The following NHSL1 variants were observed in gnomAD, a reference collection of about 807,000 sequenced individuals.
NHSL1 encodes the protein NHS-like protein 1.
NHSL1 carries 48 observed loss-of-function variants against 95.0 expected under a neutral mutation model. The observed-to-expected ratio is 0.51, with a 90% CI of 0.40 to 0.64. The LOEUF is 0.64. Among genes scored for constraint, NHSL1 ranks in the 30% least tolerant of loss-of-function variants. The probability of loss-of-function intolerance (pLI) is 0.00; values close to 1 mark genes in which losing one functional copy is unlikely to be tolerated. For synonymous variants in NHSL1, 783 were observed against 833.9 expected, an observed-to-expected ratio of 0.94 and a Z score of 1.05; for missense variants, 1,971 against 2,077.7, an observed-to-expected ratio of 0.95 and a Z score of 1.00.
chr6:138,519,960 T>C (rs1781607866), intron 1 of NHSL1, among the ~76,000 whole-genome samples: 1 of 152,248 alleles, frequency 6.6e-6, no homozygotes, highest in South Asian at 2.1e-4. Context: ...TTTCACGTTT[T>C]ATACTTTCCC....
chr6:138,496,598 TAG>T (rs1176569870), intron 1 of NHSL1, among the ~76,000 whole-genome samples: 1 of 152,190 alleles, frequency 6.6e-6, no homozygotes, highest in Non-Finnish European at 1.5e-5. Context: ...AATGTTTTCA[TAG>T]AATCATTTGC....
intron 1 of NHSL1, among the ~76,000 whole-genome samples, chr6:138,631,194 C>T (rs899051452): frequency 6.6e-5 from 10 of 152,206 alleles, no homozygotes; most frequent in Non-Finnish European, 1.3e-4. Context: ...GGGGAATCAC[C>T]GATTCCAGCG....
At chr6:138,523,083 G>C (rs1282459109) in intron 1 of NHSL1, among the ~76,000 whole-genome samples, 2 of 147,630 alleles carry the variant, frequency 1.4e-5, no homozygotes, top group Non-Finnish European at 3.0e-5. Flanking sequence ...TCAACTAACT[G>C]GCTTGGTGCA....
chr6:138,525,543 A>ATAAC (rs1781866728), intron 1 of NHSL1, among the ~76,000 whole-genome samples: 1 of 127,066 alleles, frequency 7.9e-6, no homozygotes, highest in South Asian at 2.3e-4. Flanking sequence ...AAATAAATAA[A>ATAAC]TAAATAAATA....
At chr6:138,532,149 C>G (rs1782161644) in intron 1 of NHSL1, among the ~76,000 whole-genome samples, 1 of 152,180 alleles carries the variant, frequency 6.6e-6, no homozygotes, top group Non-Finnish European at 1.5e-5. Context: ...CAGATATTCC[C>G]TCAAGGCAGA....
intron 1 of NHSL1, among the ~76,000 whole-genome samples, chr6:138,617,646 G>A (rs1002874630): frequency 6.6e-6 from 1 of 152,224 alleles, no homozygotes; most frequent in Non-Finnish European, 1.5e-5. Context: ...AGAACAATGC[G>A]CACGCAGACA....
At chr6:138,456,216 G>A (rs1343559959) in intron 3 of NHSL1, among the ~76,000 whole-genome samples, 1 of 152,100 alleles carries the variant, frequency 6.6e-6, no homozygotes, top group East Asian at 1.9e-4. Context: ...CGGAACATGT[G>A]GTTTTTATCT....
chr6:138,667,463 T>C (rs1785309606), intron 1 of NHSL1, among the ~76,000 whole-genome samples: 1 of 152,328 alleles, frequency 6.6e-6, no homozygotes, highest in East Asian at 1.9e-4. Flanking sequence ...TGTTAAGCTG[T>C]ATATAAAAAA....
chr6:138,519,340 G>C (rs1781582142), intron 1 of NHSL1, among the ~76,000 whole-genome samples: 1 of 152,032 alleles, frequency 6.6e-6, no homozygotes, highest in Non-Finnish European at 1.5e-5. Flanking sequence ...TTAAAAAAAT[G>C]TGTTATCAAA....
At chr6:138,505,431 G>A (rs1286528548) in intron 1 of NHSL1, among the ~76,000 whole-genome samples, 4 of 152,008 alleles carry the variant, frequency 2.6e-5, no homozygotes, top group South Asian at 4.1e-4. Context: ...CAAGATAGGC[G>A]GATCACGAGG....
chr6:138,468,608 C>G (rs920643395), intron 3 of NHSL1, among the ~76,000 whole-genome samples: 40 of 152,292 alleles, frequency 2.6e-4, no homozygotes, highest in African/African-American at 9.1e-4. Context: ...TGACATGGAA[C>G]AGTTTCATCC....
At chr6:138,474,876 C>CGGT (rs987807125) in intron 2 of NHSL1, among the ~76,000 whole-genome samples, 11 of 152,216 alleles carry the variant, frequency 7.2e-5, no homozygotes, top group African/African-American at 2.2e-4. Flanking sequence ...AGGCTGGGCG[C>CGGT]GGTGGCTCAT....
chr6:138,658,272 G>A (rs1785183638), intron 1 of NHSL1, among the ~76,000 whole-genome samples: 1 of 152,128 alleles, frequency 6.6e-6, no homozygotes, highest in Non-Finnish European at 1.5e-5. Flanking sequence ...TAGTTACCAG[G>A]CTATATGTTA....
intron 1 of NHSL1, among the ~76,000 whole-genome samples, chr6:138,644,905 A>G (rs896285852): frequency 3.9e-5 from 6 of 152,148 alleles, no homozygotes; most frequent in Non-Finnish European, 8.8e-5. Flanking sequence ...ACATACTTCA[A>G]CTCCTTTATC....
intron 1 of NHSL1, among the ~76,000 whole-genome samples, chr6:138,610,040 C>T (rs1376907462): frequency 2.0e-5 from 3 of 152,100 alleles, no homozygotes; most frequent in African/African-American, 7.2e-5. Context: ...TCTCACTTTT[C>T]TTCCCCATAA....
At chr6:138,439,764 C>A (rs1244409709) in intron 5 of NHSL1, among the ~76,000 whole-genome samples, 1 of 151,732 alleles carries the variant, frequency 6.6e-6, no homozygotes. Context: ...TCGTGTCTGG[C>A]AACAGTCACA....
At chr6:138,566,501 A>C (rs1252980456) in intron 1 of NHSL1, among the ~76,000 whole-genome samples, 2 of 152,104 alleles carry the variant, frequency 1.3e-5, no homozygotes, top group African/African-American at 4.8e-5. Flanking sequence ...ATTTTAATGG[A>C]AAAGAACATA....
chr6:138,668,626 C>CTTTT (rs1231203513), intron 1 of NHSL1, among the ~76,000 whole-genome samples: 4 of 130,412 alleles, frequency 3.1e-5, no homozygotes, highest in African/African-American at 1.1e-4. Context: ...ATTTTTTTTT[C>CTTTT]TTTTTTTTTT....
chr6:138,435,724 GT>G (rs1347155087), intron 5 of NHSL1, among the ~76,000 whole-genome samples: 5 of 145,576 alleles, frequency 3.4e-5, no homozygotes, highest in Non-Finnish European at 6.0e-5. Context: ...TTTTTTTTTT[GT>G]TTTTTTGTTT....
Sources: allele counts gnomAD v4.1 joint callset (sites outside exome capture counted in the v4.1 genomes callset), GRCh38; gene constraint gnomAD v4.1.1; transcripts MANE v1.5; gene names NCBI Gene and HGNC (gene_info 2026-07-23, HGNC 2026-07-21).